RNF10: variants seen among roughly 807,000 people sequenced by gnomAD.
The protein encoded by RNF10 is ring finger protein 10.
A neutral mutation model predicts 91.4 loss-of-function variants in RNF10; 38 were observed. That is an observed-to-expected ratio of 0.42 (90% CI 0.32 to 0.54). RNF10 has a LOEUF of 0.54. Ranked by LOEUF, RNF10 falls within the 20% of genes least tolerant of loss-of-function variation. The pLI, the probability that RNF10 is intolerant of heterozygous loss-of-function variation, is 0.16. For missense variants in RNF10, 945 were observed against 1,012.0 expected (o/e 0.93, Z 0.90); for synonymous variants, 364 against 366.3 (o/e 0.99, Z 0.07).
intron 1 of RNF10, among the ~76,000 whole-genome samples, chr12:120,536,692 T>G (rs1220839224): frequency 6.6e-6 from 1 of 152,184 alleles, no homozygotes; most frequent in Non-Finnish European, 1.5e-5. Context: ...TGGAACTGGT[T>G]TAGAGTGGTC....
chr12:120,560,019 A>G (rs1030131552), intron 6 of RNF10, among the ~76,000 whole-genome samples: 3 of 151,870 alleles, frequency 2.0e-5, no homozygotes, highest in East Asian at 1.9e-4. Flanking sequence ...AACTCAAGCA[A>G]TCTTCCTGTC....
chr12:120,551,272 C>T (rs2137170635), intron 2 of RNF10, among the ~76,000 whole-genome samples: 1 of 148,206 alleles, frequency 6.7e-6, no homozygotes, highest in South Asian at 2.1e-4. Flanking sequence ...AGATGTGAGC[C>T]ACTGCGCCCA....
rs1368935610 is a variant in RNF10 at position 120,546,580 on chromosome 12, T to C, written c.333T>C (p.Phe111=). The change falls in exon 2 of 17, where the codon TTT becomes TTC. Residue 111 remains phenylalanine (F), a synonymous_variant. Coordinates refer to ENST00000325954, the MANE Select transcript of RNF10 (RefSeq NM_014868.5). Reference sequence around the variant, plus strand: ...GCAGCAAACTCTTTAGCTCTTCTTTTAATGGTGGAAGACGAGATGAGGTAT... The same window carrying C: ...GCAGCAAACTCTTTAGCTCTTCTTTCAATGGTGGAAGACGAGATGAGGTAT... The part of the protein sequence containing the change: ...GGSSKLFSSS[F]NGGRRDEVAE... The C allele has an allele frequency of 1.9e-6, 3 of 1,613,444 alleles. No homozygotes were observed. In the Admixed American group the frequency reaches 5.0e-5, roughly 27 times the overall value.
intron 3 of RNF10, 149 bp downstream of exon 3, chr12:120,552,847 C>T (rs1873322131): frequency 5.8e-6 from 4 of 685,480 alleles, no homozygotes; most frequent in Non-Finnish European, 7.2e-6. Flanking sequence ...CTGCCCCGCC[C>T]TTCCTTTCTT....
chr12:120,563,677 C>T, intron 9 of RNF10, 54 bp downstream of exon 9: 1 of 1,568,618 alleles, frequency 6.4e-7, no homozygotes, highest in Non-Finnish European at 8.6e-7. Flanking sequence ...TCAGAGGTGA[C>T]CCGGTGCTCT....
At chr12:120,563,667 T>A in intron 9 of RNF10, 44 bp downstream of exon 9, 1 of 1,571,116 alleles carries the variant, frequency 6.4e-7, no homozygotes, top group Non-Finnish European at 8.6e-7. Context: ...CAGAGGTGTT[T>A]CAGAGGTGAC....
In RNF10 at chr12:120,576,811, G is replaced by A; in HGVS notation, c.*145G>A. The A allele has an allele frequency of 3.7e-6, 4 of 1,071,474 alleles. No homozygotes were observed. Among genetic ancestry groups the A allele is most frequent in the South Asian group, 1.6e-5 (1 of 60,974 alleles). 66.4% of individuals were successfully genotyped at this position (1,071,474 alleles called of 1,614,324 possible). A position where few individuals can be genotyped will look rare whatever the true frequency, so the allele number is the denominator to read the frequency against. On this transcript the variant is annotated 3_prime_UTR_variant, in exon 17 of 17. Coordinates refer to ENST00000325954, the MANE Select transcript of RNF10 (RefSeq NM_014868.5). ...GGAGGGGGTTTCCACAATGTGAGGG[G>A]GAACCAAGAAAATTTTAAATACAGT...
chr12:120,541,122 A>T (rs1445260785), intron 1 of RNF10, among the ~76,000 whole-genome samples: 2 of 152,080 alleles, frequency 1.3e-5, no homozygotes, highest in Non-Finnish European at 2.9e-5. Flanking sequence ...CTCCCAAAGC[A>T]TTGGGATTAT....
intron 1 of RNF10, among the ~76,000 whole-genome samples, chr12:120,540,228 G>C (rs1165366947): frequency 4.0e-5 from 6 of 151,642 alleles, no homozygotes; most frequent in Non-Finnish European, 4.4e-5. Context: ...CTCCCAAAGT[G>C]CTGGGGTTAC....
At chr12:120,559,977 C>T (rs1874601153) in intron 6 of RNF10, among the ~76,000 whole-genome samples, 1 of 151,732 alleles carries the variant, frequency 6.6e-6, no homozygotes, top group Non-Finnish European at 1.5e-5. Flanking sequence ...ACGTGAGCCA[C>T]CACACCCAGC....
chr12:120,536,623 C>G (rs1307824575), intron 1 of RNF10, among the ~76,000 whole-genome samples: 1 of 152,114 alleles, frequency 6.6e-6, no homozygotes. Context: ...TCTGCACATG[C>G]GTAGCTTTGC....
chr12:120,562,834 T>TTGCC, intron 7 of RNF10, 111 bp from the exon 8 acceptor site: 1 of 1,349,954 alleles, frequency 7.4e-7, no homozygotes. Flanking sequence ...TTGGGTCTCA[T>TTGCC]TGCCTTTTAA....
intron 14 of RNF10, among the ~76,000 whole-genome samples, chr12:120,573,228 A>G (rs1876924691): frequency 6.6e-6 from 1 of 152,164 alleles, no homozygotes; most frequent in South Asian, 2.1e-4. Context: ...GTGCATATTT[A>G]TATCTCCACA....
Position 120,548,660 on chromosome 12 carries a change from C to CTT in RNF10, c.354+2074_354+2075dup, listed in dbSNP as rs5801391. On this transcript the variant is annotated intron_variant, in intron 2 of 16. Transcript: ENST00000325954. ...TGAGCTTGAGGGATTTTTTTTCTTT[C>CTT]TTTTTTTTTTTTTTTTGAGATGGAG... Among the ~76,000 whole-genome samples, 476 of 133,334 alleles carry CTT rather than the reference C, an allele frequency of 3.6e-3. 4 individuals carry two copies. Among genetic ancestry groups the CTT allele is most frequent in the African/African-American group, 6.8e-3 (248 of 36,618 alleles). 87.5% of individuals were successfully genotyped at this position (133,334 alleles called of 152,430 possible). A position where few individuals can be genotyped will look rare whatever the true frequency, so the allele number is the denominator to read the frequency against.
intron 2 of RNF10, among the ~76,000 whole-genome samples, chr12:120,549,840 C>T (rs12371550): frequency 0.26 from 39,869 of 151,954 alleles, 6,023 homozygotes; most frequent in East Asian, 0.5. Context: ...AGGAAGTGGG[C>T]AGTGGACCAC....
chr12:120,575,587 C>T lies in RNF10; in HGVS notation c.2143-44C>T, dbSNP rs1330185425. On this transcript the variant is annotated intron_variant, in intron 14 of 16. Transcript: ENST00000325954. The stretch of plus-strand genomic sequence containing the variant: ...GGTAGGTCTGAAAAAGAAGTTGGAC[C>T]AGCTACTTAAATTCTCTCCCCCACT... 3.7e-6 allele frequency: 6 copies of T among 1,609,616 alleles called. No homozygotes were observed. In the Admixed American group the frequency reaches 8.4e-5, roughly 22 times the overall value.
chr12:120,539,272 T>G, intron 1 of RNF10: 1 of 556,418 alleles, frequency 1.8e-6, no homozygotes, highest in Non-Finnish European at 3.1e-6. Context: ...CTAGGCGGTA[T>G]TTTTCAATAA....
Position 120,567,753 on chromosome 12 carries a change from A to G in RNF10, c.2041+773A>G, listed in dbSNP as rs188423977. Among the ~76,000 whole-genome samples the G allele has an allele frequency of 3.9e-5, 6 of 151,900 alleles. No homozygotes were observed. In the East Asian group the frequency reaches 1.2e-3, roughly 29 times the overall value. On this transcript the variant is annotated intron_variant, in intron 13 of 16. Coordinates refer to ENST00000325954, the MANE Select transcript of RNF10 (RefSeq NM_014868.5). The stretch of plus-strand genomic sequence containing the variant: ...TTAAAGAAGGGAATGTAATTCTTCT[A>G]TTCACGTACTAATGGGAAGATAAAA...
At chr12:120,549,215 A>C (rs1017446617) in intron 2 of RNF10, among the ~76,000 whole-genome samples, 3 of 151,970 alleles carry the variant, frequency 2.0e-5, no homozygotes, top group Non-Finnish European at 4.4e-5. Context: ...TGATTGTTCT[A>C]ATTTTCTCAG....
Sources: gnomAD v4.1 joint callset for allele counts (sites outside exome capture counted in the v4.1 genomes callset) on GRCh38, gnomAD v4.1.1 for gene constraint, MANE v1.5 for transcripts, NCBI Gene and HGNC (gene_info 2026-07-23, HGNC 2026-07-21) for gene names.